Variants in SENP6 observed in about 807,000 individuals in gnomAD.
SENP6 encodes SUMO specific peptidase 6.
SENP6 carries 41 observed loss-of-function variants against 134.5 expected under a neutral mutation model. The observed-to-expected ratio is 0.30, with a 90% CI of 0.24 to 0.40. The LOEUF is 0.40. Among genes scored for constraint, SENP6 ranks in the 10% least tolerant of loss-of-function variants. The probability of loss-of-function intolerance (pLI) is 1.00; values close to 1 mark genes in which losing one functional copy is unlikely to be tolerated. For missense variants in SENP6, 1,248 were observed against 1,312.5 expected (o/e 0.95, Z 0.76); for synonymous variants, 395 against 429.8 (o/e 0.92, Z 1.00).
Position 75,602,258 on chromosome 6 carries a change from C to T in SENP6, c.-267C>T. The stretch of plus-strand genomic sequence containing the variant: ...AACCGGGCCCGGGAAGCGCCGTCGT[C>T]GTCGTCGCCGGTCGCGTTCCCCCGG... On this transcript the variant is annotated 5_prime_UTR_variant, in exon 1 of 24. Coordinates refer to ENST00000447266, the MANE Select transcript of SENP6 (RefSeq NM_015571.4). 1 of 373,010 alleles carries T rather than the reference C, an allele frequency of 2.7e-6. No homozygotes were observed. 23.1% of individuals were successfully genotyped at this position (373,010 alleles called of 1,614,324 possible).
chr6:75,660,635 C>CT (rs796805767), intron 8 of SENP6, among the ~76,000 whole-genome samples: 192 of 146,922 alleles, frequency 1.3e-3, no homozygotes, highest in African/African-American at 3.9e-3. Flanking sequence ...TCTTGTATTT[C>CT]TTTTTTTTTT....
chr6:75,670,043 C>T (rs1235645529), intron 10 of SENP6, among the ~76,000 whole-genome samples: 2 of 152,120 alleles, frequency 1.3e-5, no homozygotes, highest in African/African-American at 4.8e-5. Flanking sequence ...AAGCAGTTCT[C>T]CTGCCTCAGC....
At chr6:75,676,258 A>G (rs1426576332) in intron 13 of SENP6, among the ~76,000 whole-genome samples, 1 of 152,168 alleles carries the variant, frequency 6.6e-6, no homozygotes, top group African/African-American at 2.4e-5. Context: ...GGCTGAAGAT[A>G]AAACCCAGAC....
chr6:75,688,148 C>G (rs952303782), intron 16 of SENP6, among the ~76,000 whole-genome samples: 3 of 152,230 alleles, frequency 2.0e-5, no homozygotes, highest in Non-Finnish European at 4.4e-5. Flanking sequence ...AGATGGATCT[C>G]AGACCGCTGT....
At position 75,704,316 on chromosome 6, in the gene SENP6, TAGGG is replaced by T. The variant is rs1466982253; in HGVS notation, c.2716+1247_2716+1250del. The stretch of plus-strand genomic sequence containing the variant: ...ATGCCGTAGGAGAGCAAGGTGATAA[TAGGG>T]AGAAGATCAGCAAGAAAACATGTGA... On this transcript the variant is annotated intron_variant, in intron 19 of 23. Transcript: ENST00000447266. Among the ~76,000 whole-genome samples, 4 of 152,270 alleles carry T rather than the reference TAGGG, an allele frequency of 2.6e-5. 1 individual carries two copies. In the South Asian group the frequency reaches 8.3e-4, roughly 32 times the overall value.
chr6:75,668,887 G>A (rs1204784608), intron 10 of SENP6, among the ~76,000 whole-genome samples: 2 of 152,184 alleles, frequency 1.3e-5, no homozygotes, highest in African/African-American at 2.4e-5. Context: ...GCTCCATGGA[G>A]GGTGTGGACC....
At chr6:75,684,568 T>C (rs1773697035) in intron 16 of SENP6, among the ~76,000 whole-genome samples, 1 of 152,212 alleles carries the variant, frequency 6.6e-6, no homozygotes, top group African/African-American at 2.4e-5. Flanking sequence ...TTGAGATATT[T>C]TCCATCAATA....
chr6:75,646,844 A>C (rs1241694926), intron 6 of SENP6: 2 of 152,204 alleles, frequency 1.3e-5, no homozygotes, highest in African/African-American at 4.8e-5. Context: ...TCAAAAAAAA[A>C]AAAAAAAGTA....
intron 7 of SENP6, among the ~76,000 whole-genome samples, chr6:75,649,253 T>G (rs1227353567): frequency 1.3e-5 from 2 of 151,908 alleles, no homozygotes; most frequent in African/African-American, 2.4e-5. Context: ...AGGCAGAGGT[T>G]GCAGTGAGCC....
In SENP6 at chr6:75,703,012, G is replaced by T; in HGVS notation, c.2656G>T (p.Asp886Tyr). The T allele has an allele frequency of 6.2e-7, 1 of 1,613,802 alleles. No individual in the cohort carries two copies. The highest frequency in any genetic ancestry group is 1.1e-5 in the South Asian group (1 of 91,016). Residue 886 changes from aspartate to tyrosine, a missense_variant, in exon 19 of 24, where the codon GAT becomes TAT. Transcript: ENST00000447266. ...AGAATCTACATCCCAGAAAGTTGCT[G>T]ATAGGACTAAAAGTGAGAATGGCCT... Reference protein sequence around the residue: ...KGESTSQKVADRTKSENGLQN... With the variant: ...KGESTSQKVAYRTKSENGLQN...
intron 3 of SENP6, among the ~76,000 whole-genome samples, chr6:75,631,008 A>T (rs966938439): frequency 6.6e-6 from 1 of 152,008 alleles, no homozygotes; most frequent in Non-Finnish European, 1.5e-5. Context: ...CTGCTATTTA[A>T]TCCATACATT....
At chr6:75,659,157 C>G (rs903502063) in intron 7 of SENP6, 105 bp from the exon 8 acceptor site, 1 of 788,572 alleles carries the variant, frequency 1.3e-6, no homozygotes, top group Non-Finnish European at 2.0e-6. Context: ...AAGAGTAATC[C>G]AGGATATAAT....
intron 1 of SENP6, among the ~76,000 whole-genome samples, chr6:75,604,503 G>A (rs1190933521): frequency 6.6e-6 from 1 of 151,760 alleles, no homozygotes; most frequent in Non-Finnish European, 1.5e-5. Context: ...TGGTTGGCGC[G>A]CGCCTGTAGT....
At chr6:75,614,271 T>TG (rs1767683171) in intron 1 of SENP6, among the ~76,000 whole-genome samples, 10 of 151,014 alleles carry the variant, frequency 6.6e-5, no homozygotes, top group Admixed American at 3.3e-4. Context: ...TTTTTTTTTT[T>TG]TTTTTTTTGT....
chr6:75,695,844 C>G lies in SENP6; in HGVS notation c.2116C>G (p.Arg706Gly), dbSNP rs747854484. 5 of 1,603,366 alleles carry G rather than the reference C, an allele frequency of 3.1e-6. No individual in the cohort carries two copies. The highest frequency in any genetic ancestry group is 4.3e-6 in the Non-Finnish European group (5 of 1,174,950). Reference protein sequence around the residue: ...LEKLKKEDADRIHIFSSFFYK... With the variant: ...LEKLKKEDADGIHIFSSFFYK... The stretch of plus-strand genomic sequence containing the variant: ...AAAACTGAAGAAGGAAGACGCTGAC[C>G]GAATTCATATATTCAGTTCTTTTTT... Residue 706 changes from arginine (R) to glycine (G), a missense_variant, in exon 17 of 24, where the codon CGA becomes GGA. By Grantham distance (125) the Arg-to-Gly change is moderately radical (BLOSUM62 -2). This residue lies in a region of SENP6 where 129 missense variants were observed against 192.0 expected (regional missense o/e 0.67). Transcript: ENST00000447266.
intron 19 of SENP6, among the ~76,000 whole-genome samples, chr6:75,704,497 A>G (rs1335081101): frequency 6.6e-6 from 1 of 152,246 alleles, no homozygotes; most frequent in Non-Finnish European, 1.5e-5. Flanking sequence ...GCCTCCTGCC[A>G]TAGGGCGGTT....
intron 7 of SENP6, among the ~76,000 whole-genome samples, chr6:75,654,741 A>G (rs1168879451): frequency 3.3e-5 from 5 of 152,252 alleles, no homozygotes; most frequent in African/African-American, 1.2e-4. Flanking sequence ...TATTAGTAGT[A>G]TCACAACTAA....
rs7741131 is a variant in SENP6, at chr6:75,705,232, C to G, written c.2716+2160C>G. Among the ~76,000 whole-genome samples the G allele has an allele frequency of 6.6e-3, 1,012 of 152,242 alleles. 10 individuals are homozygous for G. Among genetic ancestry groups the G allele is most frequent in the African/African-American group, 0.024 (979 of 41,532 alleles). The stretch of plus-strand genomic sequence containing the variant: ...ACTTGATTTTTGTCCTTGAGTCAGT[C>G]CTGTAGTTGTAGAACCTGTTAAATC... On this transcript the variant is annotated intron_variant, in intron 19 of 23. Transcript: ENST00000447266.
rs185610196 is a variant in SENP6, at chr6:75,624,174, T to C, written c.207+214T>C. Among the ~76,000 whole-genome samples the C allele has an allele frequency of 4.7e-3, 710 of 152,290 alleles. 16 individuals are homozygous for C. Among genetic ancestry groups the C allele is most frequent in the Non-Finnish European group, 2.8e-3 (189 of 68,016 alleles). On this transcript the variant is annotated intron_variant, in intron 3 of 23. Coordinates refer to ENST00000447266, the MANE Select transcript of SENP6 (RefSeq NM_015571.4). Reference sequence around the variant, plus strand: ...TCCACCTCCCATGTTACACAATTGGTAATATACTGTGCATGGTTTTTCTGA... The same window carrying C: ...TCCACCTCCCATGTTACACAATTGGCAATATACTGTGCATGGTTTTTCTGA...
Sources: gnomAD v4.1 joint callset for allele counts (sites outside exome capture counted in the v4.1 genomes callset) on GRCh38, gnomAD v4.1.1 for gene constraint, gnomAD v4.1.1 regional missense constraint, MANE v1.5 for transcripts, NCBI Gene and HGNC (gene_info 2026-07-23, HGNC 2026-07-21) for gene names.